TLR5: variants seen among roughly 807,000 people sequenced by gnomAD.
TLR5 encodes toll-like receptor 5.
For synonymous variants in TLR5, 373 were observed against 384.4 expected (o/e 0.97, Z 0.35); for missense variants, 944 against 999.8 (o/e 0.94, Z 0.75).
At chr1:223,122,035 A>G (rs1023969777) in intron 5 of TLR5, among the ~76,000 whole-genome samples, 1 of 152,158 alleles carries the variant, frequency 6.6e-6, no homozygotes, top group East Asian at 1.9e-4. Flanking sequence ...ATAGAAACCA[A>G]TCAGGGCAGA....
At position 223,110,346 on chromosome 1, in the gene TLR5, C is replaced by T; in HGVS notation, c.*109G>A. 1 of 1,164,198 alleles carries T rather than the reference C, an allele frequency of 8.6e-7. No individual in the cohort carries two copies. Among genetic ancestry groups the T allele is most frequent in the Non-Finnish European group, 1.2e-6 (1 of 808,994 alleles). The allele number at this position is 1,164,198 out of a possible 1,614,324, so 72.1% of individuals were successfully genotyped here. A position where few individuals can be genotyped will look rare whatever the true frequency, so the allele number is the denominator to read the frequency against. ...GAGATTTATGTTGTTTTCATAGTAG[C>T]AAAAAGAAAAAAAAAACCTCCAGAG... On this transcript the variant is annotated 3_prime_UTR_variant, in exon 6 of 6. Transcript: ENST00000642603.
intron 5 of TLR5, among the ~76,000 whole-genome samples, chr1:223,117,133 C>G (rs553803553): frequency 2.6e-5 from 4 of 152,154 alleles, no homozygotes; most frequent in Non-Finnish European, 4.4e-5. Flanking sequence ...GTCGAGAATT[C>G]GAGTGTGGCG....
At position 223,111,940 on chromosome 1, in the gene TLR5, G is replaced by A. The variant is rs773668043; in HGVS notation, c.1092C>T (p.Tyr364=). The A allele has an allele frequency of 4.3e-6, 7 of 1,614,036 alleles. No individual in the cohort carries two copies. The East Asian group carries it at 8.9e-5, about 21-fold the overall frequency. ...SNFYGLPKVA[Y]IDLQKNHIAI... ...CAATGTGATTCTTTTGCAAATCAAT[G>A]TAGGCTACCTTAGGTAGTCCATAGA... Residue 364 remains tyrosine (Y), a synonymous_variant, in exon 6 of 6, where the codon TAC becomes TAT. Transcript: ENST00000642603.
intron 2 of TLR5, among the ~76,000 whole-genome samples, chr1:223,140,348 AC>A (rs1291118143): frequency 6.6e-5 from 10 of 152,130 alleles, no homozygotes; most frequent in Non-Finnish European, 1.5e-4. Flanking sequence ...GGAGTTCGAG[AC>A]CAGCCTGGCC....
At chr1:223,122,838 C>T (rs1190946505) in intron 5 of TLR5, among the ~76,000 whole-genome samples, 1 of 152,196 alleles carries the variant, frequency 6.6e-6, no homozygotes, top group African/African-American at 2.4e-5. Flanking sequence ...TTGCTGACTT[C>T]CTGAGGCCTG....
At chr1:223,126,759 T>C (rs1657181930) in intron 5 of TLR5, 1 of 152,194 alleles carries the variant, frequency 6.6e-6, no homozygotes, top group African/African-American at 2.4e-5. Flanking sequence ...CTGAGGGCTG[T>C]TGAGTATTGG....
intron 5 of TLR5, among the ~76,000 whole-genome samples, chr1:223,117,320 T>C (rs183249347): frequency 4.1e-4 from 62 of 151,656 alleles, no homozygotes; most frequent in Non-Finnish European, 8.4e-4. Flanking sequence ...TGCCTCTCCC[T>C]CCACACCTCC....
chr1:223,113,129 C>T (rs1483002387), intron 5 of TLR5, 94 bp from the exon 6 acceptor site: 2 of 1,250,520 alleles, frequency 1.6e-6, no homozygotes, highest in Non-Finnish European at 1.2e-6. Context: ...CTATGATGTG[C>T]CTGCTCCCTT....
intron 5 of TLR5, 81 bp downstream of exon 5, chr1:223,132,394 C>G (rs1380291051): frequency 6.6e-6 from 1 of 152,146 alleles, no homozygotes; most frequent in Non-Finnish European, 1.5e-5. Flanking sequence ...TATATATGTA[C>G]AAATATGCAT....
At chr1:223,124,354 A>G (rs931783613) in intron 5 of TLR5, among the ~76,000 whole-genome samples, 1 of 152,010 alleles carries the variant, frequency 6.6e-6, no homozygotes, top group African/African-American at 2.4e-5. Flanking sequence ...GAAGCAGGAG[A>G]AACCCTTGAG....
intron 4 of TLR5, 162 bp downstream of exon 4, chr1:223,134,520 G>C (rs1657526387): frequency 6.6e-6 from 1 of 152,230 alleles, no homozygotes; most frequent in Non-Finnish European, 1.5e-5. Context: ...TTTAGGTACA[G>C]AATGGCTTCC....
At chr1:223,139,657 G>A (rs745421118) in intron 2 of TLR5, among the ~76,000 whole-genome samples, 7 of 152,180 alleles carry the variant, frequency 4.6e-5, no homozygotes, top group Admixed American at 1.3e-4. Flanking sequence ...GGCTCAAGGT[G>A]GGAGCTGGTG....
chr1:223,113,063 A>G (rs779408013), intron 5 of TLR5, 28 bp from the exon 6 acceptor site: 26 of 1,611,914 alleles, frequency 1.6e-5, no homozygotes, highest in Middle Eastern at 1.7e-4. Context: ...GAATGAAAAC[A>G]CAGGCATTTA....
At chr1:223,113,251 G>C (rs543198356) in intron 5 of TLR5, among the ~76,000 whole-genome samples, 4 of 152,254 alleles carry the variant, frequency 2.6e-5, no homozygotes, top group African/African-American at 9.6e-5. Flanking sequence ...TGTTGCCCAG[G>C]CTGGAGTGCA....
In TLR5 at chr1:223,111,653, A is replaced by G; in HGVS notation, c.1379T>C (p.Phe460Ser). The change falls in exon 6 of 6, where the codon TTC becomes TCC. Residue 460 changes from phenylalanine (F) to serine (S), a missense_variant. By Grantham distance (155) the Phe-to-Ser change is radical. Transcript: ENST00000642603. ...LQILILNQNRFSSCSGDQTPS... is the reference protein window; with the variant it reads ...LQILILNQNRSSSCSGDQTPS... ...GGTTTGATCTCCACTACAGGAGGAGAAGCGATTTTGATTTAAAATGAGAAT... is the reference window on the plus strand; with the variant it reads ...GGTTTGATCTCCACTACAGGAGGAGGAGCGATTTTGATTTAAAATGAGAAT... The G allele has an allele frequency of 6.2e-7, 1 of 1,614,136 alleles. No individual in the cohort carries two copies. The highest frequency in any genetic ancestry group is 8.5e-7 in the Non-Finnish European group (1 of 1,180,022).
chr1:223,117,075 C>T (rs967074734), intron 5 of TLR5, among the ~76,000 whole-genome samples: 1 of 152,264 alleles, frequency 6.6e-6, no homozygotes, highest in Non-Finnish European at 1.5e-5. Flanking sequence ...TCGGGTATGG[C>T]GGGCTGCAGG....
rs974337951 is a variant in TLR5 at position 223,112,882 on chromosome 1, C to A, written c.150G>T (p.Arg50Ser). Residue 50 changes from arginine to serine, a missense_variant, in exon 6 of 6, where the codon AGG becomes AGT. Transcript: ENST00000642603. ...QVPQVLNTTE[R>S]LLLSFNYIRT... ...TGATATAGTTGAAGCTCAGCAGGAG[C>A]CTCTCAGTGGTGTTGAGGACCTGGG... 3.1e-6 allele frequency: 5 copies of A among 1,613,980 alleles called. No homozygotes were observed. The highest frequency in any genetic ancestry group is 4.2e-6 in the Non-Finnish European group (5 of 1,180,022).
In TLR5 at chr1:223,112,746, TG is replaced by T. The variant is rs1167162068; in HGVS notation, c.285del (p.Asn96ThrfsTer41). 1 of 1,614,120 alleles carries T rather than the reference TG, an allele frequency of 6.2e-7. No individual in the cohort carries two copies. Among genetic ancestry groups the T allele is most frequent in the East Asian group, 2.2e-5 (1 of 44,878 alleles). ...CTTCCCAGGTCCAAGATTCTAAGGT[TG>T]GGCAGGTTTCTGAAGGCCTCCTTGT... Reference protein sequence around the residue: ...TIDKEAFRNLPNLRILDLGSS... With the variant: ...TIDKEAFRNLXNLRILDLGSS... On this transcript the variant is annotated frameshift_variant, in exon 6 of 6. Transcript: ENST00000642603. LOFTEE classifies it low-confidence loss of function (END_TRUNC).
At chr1:223,133,273 C>T (rs574069668) in intron 4 of TLR5, among the ~76,000 whole-genome samples, 1 of 152,246 alleles carries the variant, frequency 6.6e-6, no homozygotes, top group Non-Finnish European at 1.5e-5. Flanking sequence ...CACTGTGGAG[C>T]TCGGATTTGA....
Sources: gnomAD v4.1 joint callset for allele counts (sites outside exome capture counted in the v4.1 genomes callset) on GRCh38, gnomAD v4.1.1 for gene constraint, MANE v1.5 for transcripts, NCBI Gene and HGNC (gene_info 2026-07-23, HGNC 2026-07-21) for gene names.